Variants in ANKRD22 observed in about 807,000 individuals in gnomAD.
The protein encoded by ANKRD22 is ankyrin repeat domain-containing protein 22.
A neutral mutation model predicts 25.7 loss-of-function variants in ANKRD22; 24 were observed. That is an observed-to-expected ratio of 0.93 (90% confidence interval 0.68 to 1.31). The LOEUF is 1.31. ANKRD22 is among the 50% of genes most tolerant of loss of function. The pLI, the probability that ANKRD22 is intolerant of heterozygous loss-of-function variation, is 0.00. For missense variants in ANKRD22, 214 were observed against 227.1 expected (o/e 0.94, Z 0.37); for synonymous variants, 84 against 84.3 (o/e 1.00, Z 0.02).
rs1843774584 is a variant in ANKRD22, at chr10:88,820,391, G to A, written c.*2550C>T. ...GAATATTCCTGAATGGGCTCACGTG[G>A]ATTTCATCTGGGGTTTGGATGCTCC... On this transcript the variant is annotated 3_prime_UTR_variant, in exon 6 of 6. Transcript: ENST00000371930. 1.3e-6 allele frequency: 2 copies of A among 1,552,170 alleles called. No homozygotes were observed. Among genetic ancestry groups the A allele is most frequent in the Admixed American group, 2.0e-5 (1 of 50,986 alleles).
At chr10:88,850,813 G>A (rs1844097521) in intron 1 of ANKRD22, among the ~76,000 whole-genome samples, 1 of 151,974 alleles carries the variant, frequency 6.6e-6, no homozygotes, top group Non-Finnish European at 1.5e-5. Flanking sequence ...CAAATAAACT[G>A]TCTTTAATAC....
chr10:88,832,482 T>C (rs536744352), intron 1 of ANKRD22, among the ~76,000 whole-genome samples: 3 of 151,976 alleles, frequency 2.0e-5, no homozygotes, highest in East Asian at 3.9e-4. Context: ...AGATAAAATA[T>C]CTTTATCTTT....
chr10:88,848,213 T>TAC (rs949308787), intron 1 of ANKRD22, among the ~76,000 whole-genome samples: 14 of 148,374 alleles, frequency 9.4e-5, no homozygotes, highest in African/African-American at 3.4e-4. Flanking sequence ...CATATATATA[T>TAC]ACATATATAC....
chr10:88,823,147 CTT>C lies in ANKRD22; in HGVS notation c.498+131_499-130del, dbSNP rs796793881. The C allele has an allele frequency of 2.5e-6, 3 of 1,223,680 alleles. No homozygotes were observed. In the African/African-American group the frequency reaches 4.5e-5, roughly 18 times the overall value. The allele number at this position is 1,223,680 out of a possible 1,614,324, so 75.8% of individuals were successfully genotyped here. ...ATCAGTCCTAATAGTAATAGGATAACTTCATTCCTTAATGAGGATGATTAATT... is the reference window on the plus strand; with the variant it reads ...ATCAGTCCTAATAGTAATAGGATAACCATTCCTTAATGAGGATGATTAATT... On this transcript the variant is annotated intron_variant, in intron 5 of 5. Coordinates refer to ENST00000371930, the MANE Select transcript of ANKRD22 (RefSeq NM_144590.3).
At chr10:88,825,283 A>G (rs971205967) in intron 4 of ANKRD22, among the ~76,000 whole-genome samples, 4 of 152,254 alleles carry the variant, frequency 2.6e-5, no homozygotes, top group Admixed American at 6.5e-5. Context: ...AATCACCATA[A>G]GCAAAACACC....
chr10:88,834,389 T>C (rs1843933355), intron 1 of ANKRD22, among the ~76,000 whole-genome samples: 1 of 152,208 alleles, frequency 6.6e-6, no homozygotes, highest in Non-Finnish European at 1.5e-5. Flanking sequence ...TTTAGTTAGC[T>C]TTATAGAAAA....
chr10:88,821,899 A>T lies in ANKRD22; in HGVS notation c.*1042T>A, dbSNP rs766353707. Among the ~76,000 whole-genome samples, 6 of 152,226 alleles carry T rather than the reference A, an allele frequency of 3.9e-5. No individual in the cohort carries two copies. Among genetic ancestry groups the T allele is most frequent in the Non-Finnish European group, 7.3e-5 (5 of 68,046 alleles). On this transcript the variant is annotated 3_prime_UTR_variant, in exon 6 of 6. Coordinates refer to ENST00000371930, the MANE Select transcript of ANKRD22 (RefSeq NM_144590.3). ...GTGAGACAGATATTTTGATATTCGC[A>T]ATCTCTCACTTAGACAAATAATCCA...
At chr10:88,850,528 A>G (rs1844094490) in intron 1 of ANKRD22, among the ~76,000 whole-genome samples, 1 of 152,162 alleles carries the variant, frequency 6.6e-6, no homozygotes, top group Non-Finnish European at 1.5e-5. Flanking sequence ...ATACTTTTGT[A>G]TCCTACCATA....
chr10:88,837,569 T>A (rs1843965404), intron 1 of ANKRD22, among the ~76,000 whole-genome samples: 2 of 152,188 alleles, frequency 1.3e-5, no homozygotes, highest in Admixed American at 1.3e-4. Flanking sequence ...CTGACTGAAA[T>A]TTTTGCCAGA....
intron 1 of ANKRD22, 147 bp from the exon 2 acceptor site, chr10:88,832,173 G>A: frequency 1.2e-6 from 1 of 819,812 alleles, no homozygotes; most frequent in Non-Finnish European, 1.8e-6. Context: ...TTTGGTCTCA[G>A]TTATGCCTAG....
intron 1 of ANKRD22, among the ~76,000 whole-genome samples, chr10:88,847,199 C>G (rs1223392344): frequency 6.6e-6 from 1 of 152,026 alleles, no homozygotes; most frequent in Non-Finnish European, 1.5e-5. Flanking sequence ...AGGACTTAAA[C>G]AGTTTATCCT....
intron 2 of ANKRD22, among the ~76,000 whole-genome samples, chr10:88,829,423 TA>T (rs1210200214): frequency 2.0e-5 from 3 of 152,192 alleles, no homozygotes; most frequent in Non-Finnish European, 4.4e-5. Flanking sequence ...ATATTTTCTG[TA>T]AAAAAATTTT....
intron 1 of ANKRD22, 44 bp from the exon 2 acceptor site, chr10:88,832,070 A>G: frequency 6.5e-7 from 1 of 1,535,656 alleles, no homozygotes; most frequent in South Asian, 1.2e-5. Context: ...TACTGGCATA[A>G]TTAAACCACA....
chr10:88,841,003 G>A (rs568192904), intron 1 of ANKRD22, among the ~76,000 whole-genome samples: 20 of 152,210 alleles, frequency 1.3e-4, no homozygotes, highest in Non-Finnish European at 2.1e-4. Flanking sequence ...CCTCATGAAC[G>A]ATAGCAGAAG....
At position 88,820,644 on chromosome 10, in the gene ANKRD22, A is replaced by G. The variant is rs1315635936; in HGVS notation, c.*2297T>C. The G allele has an allele frequency of 1.3e-5, 10 of 765,732 alleles. No individual in the cohort carries two copies. The Middle Eastern group carries it at 1.2e-3, about 89-fold the overall frequency. The allele number at this position is 765,732 out of a possible 1,614,324, so 47.4% of individuals were successfully genotyped here. A position where few individuals can be genotyped will look rare whatever the true frequency, so the allele number is the denominator to read the frequency against. ...CACTAAATCCGACACTTACATTTAC[A>G]TTTTTTTTCTGTAAATTAAAGTACT... On this transcript the variant is annotated 3_prime_UTR_variant, in exon 6 of 6. Transcript: ENST00000371930.
At position 88,820,618 on chromosome 10, in the gene ANKRD22, G is replaced by A; in HGVS notation, c.*2323C>T. The A allele has an allele frequency of 9.9e-7, 1 of 1,007,130 alleles. No homozygotes were observed. The highest frequency in any genetic ancestry group is 1.4e-6 in the Non-Finnish European group (1 of 711,428). 62.4% of individuals were successfully genotyped at this position (1,007,130 alleles called of 1,614,324 possible). Reference sequence around the variant, plus strand: ...ACATTTTTCAGATTCCCTGCACTTGGCACTAAATCCGACACTTACATTTAC... The same window carrying A: ...ACATTTTTCAGATTCCCTGCACTTGACACTAAATCCGACACTTACATTTAC... On this transcript the variant is annotated 3_prime_UTR_variant, in exon 6 of 6. Coordinates refer to ENST00000371930, the MANE Select transcript of ANKRD22 (RefSeq NM_144590.3).
intron 1 of ANKRD22, among the ~76,000 whole-genome samples, chr10:88,843,918 G>C (rs969226491): frequency 1.3e-5 from 2 of 151,858 alleles, no homozygotes; most frequent in Non-Finnish European, 2.9e-5. Context: ...CTTTCTCTTC[G>C]GCAACCTGCA....
At chr10:88,835,791 T>C (rs1254481565) in intron 1 of ANKRD22, among the ~76,000 whole-genome samples, 1 of 152,144 alleles carries the variant, frequency 6.6e-6, no homozygotes, top group Non-Finnish European at 1.5e-5. Flanking sequence ...GTTATGAACT[T>C]GCGGTTTCCA....
intron 1 of ANKRD22, among the ~76,000 whole-genome samples, chr10:88,840,035 A>C (rs142652159): frequency 6.6e-6 from 1 of 152,182 alleles, no homozygotes; most frequent in Admixed American, 6.6e-5. Flanking sequence ...AATGGAAGTA[A>C]AAATTTAATG....
Sources: gnomAD v4.1 joint callset for allele counts (sites outside exome capture counted in the v4.1 genomes callset) on GRCh38, gnomAD v4.1.1 for gene constraint, MANE v1.5 for transcripts, NCBI Gene and HGNC (gene_info 2026-07-23, HGNC 2026-07-21) for gene names.